ADAM12: variants seen among roughly 807,000 people sequenced by gnomAD.
ADAM12 encodes the protein ADAM metallopeptidase domain 12.
In ADAM12, 70 loss-of-function variants were observed where a neutral mutation model predicts 106.4. The ratio of observed to expected loss-of-function variants is 0.66; its 90% CI spans 0.54 to 0.80. The LOEUF is 0.80. Among genes scored for constraint, ADAM12 ranks in the 30% least tolerant of loss-of-function variants. The pLI is 0.00. For missense variants in ADAM12, 1,010 were observed against 1,171.9 expected, an observed-to-expected ratio of 0.86 and a Z score of 2.02; for synonymous variants, 420 against 433.5, an observed-to-expected ratio of 0.97 and a Z score of 0.39.
chr10:126,193,976 A>G (rs1038883830), intron 3 of ADAM12, among the ~76,000 whole-genome samples: 6 of 150,870 alleles, frequency 4.0e-5, no homozygotes, highest in South Asian at 4.2e-4. Flanking sequence ...ATGAGAAACC[A>G]AAGTTGAGGG....
chr10:126,239,495 C>T (rs1004503944), intron 3 of ADAM12, among the ~76,000 whole-genome samples: 10 of 152,186 alleles, frequency 6.6e-5, no homozygotes, highest in Non-Finnish European at 1.5e-4. Flanking sequence ...GACCAATGTA[C>T]AGCTCAAAGC....
chr10:126,275,929 A>C (rs1959229510), intron 3 of ADAM12, among the ~76,000 whole-genome samples: 1 of 152,230 alleles, frequency 6.6e-6, no homozygotes, highest in African/African-American at 2.4e-5. Flanking sequence ...TGTCATGTGT[A>C]TAATTTTAAA....
At chr10:126,247,598 G>A (rs975326812) in intron 3 of ADAM12, among the ~76,000 whole-genome samples, 2 of 152,230 alleles carry the variant, frequency 1.3e-5, no homozygotes, top group Admixed American at 1.3e-4. Flanking sequence ...ATAAGGACCC[G>A]ATGGCATTCC....
At chr10:126,247,237 C>T (rs191939068) in intron 3 of ADAM12, among the ~76,000 whole-genome samples, 2 of 152,200 alleles carry the variant, frequency 1.3e-5, no homozygotes, top group Non-Finnish European at 2.9e-5. Flanking sequence ...GAAGGAGAAT[C>T]AAATGCGTCC....
intron 3 of ADAM12, among the ~76,000 whole-genome samples, chr10:126,251,504 G>A (rs1958748751): frequency 6.6e-6 from 1 of 151,872 alleles, no homozygotes; most frequent in South Asian, 2.1e-4. Flanking sequence ...TGCGATGGAT[G>A]GGATGAATGG....
intron 3 of ADAM12, among the ~76,000 whole-genome samples, chr10:126,225,702 C>T (rs1393256870): frequency 6.6e-6 from 1 of 152,202 alleles, no homozygotes; most frequent in East Asian, 1.9e-4. Flanking sequence ...GGAACTTCAG[C>T]ACAAACCATG....
chr10:126,071,258 T>C (rs1374879724), intron 12 of ADAM12, among the ~76,000 whole-genome samples: 5 of 152,302 alleles, frequency 3.3e-5, no homozygotes, highest in Admixed American at 6.5e-5. Flanking sequence ...GATAAGATTA[T>C]TTATCTTTTT....
chr10:126,185,912 A>G lies in ADAM12; in HGVS notation c.261-30607T>C, dbSNP rs147872791. Among the ~76,000 whole-genome samples the G allele has an allele frequency of 6.5e-3, 987 of 152,338 alleles. 2 individuals are homozygous for G. The highest frequency in any genetic ancestry group is 0.014 in the Middle Eastern group (4 of 294). On this transcript the variant is annotated intron_variant, in intron 3 of 22. Coordinates refer to ENST00000448723, the MANE Select transcript of ADAM12 (RefSeq NM_001288973.2). ...TATCTGAAGATTAGCCAGGGAAATG[A>G]ACTAGATGACCAAAAACGTCACTTG...
At chr10:126,291,138 C>T (rs1960130829) in intron 2 of ADAM12, among the ~76,000 whole-genome samples, 1 of 152,160 alleles carries the variant, frequency 6.6e-6, no homozygotes, top group Admixed American at 6.6e-5. Flanking sequence ...AATTTGATGT[C>T]TGGAAACATT....
At chr10:126,225,774 T>C (rs532389593) in intron 3 of ADAM12, among the ~76,000 whole-genome samples, 1 of 152,254 alleles carries the variant, frequency 6.6e-6, no homozygotes, top group East Asian at 1.9e-4. Flanking sequence ...CACAGAACTG[T>C]GGCTGGGAAC....
At chr10:126,163,991 T>A (rs550148256) in intron 3 of ADAM12, among the ~76,000 whole-genome samples, 7 of 152,274 alleles carry the variant, frequency 4.6e-5, no homozygotes, top group Middle Eastern at 3.4e-3. Flanking sequence ...ACAGGGGGTA[T>A]GGGGTGGGGA....
At chr10:126,178,385 C>T (rs1315408350) in intron 3 of ADAM12, among the ~76,000 whole-genome samples, 1 of 147,052 alleles carries the variant, frequency 6.8e-6, no homozygotes, top group African/African-American at 2.5e-5. Flanking sequence ...TTTTGGCTTA[C>T]CTTAGTCCTC....
Position 126,159,328 on chromosome 10 carries a change from A to G in ADAM12, c.261-4023T>C, listed in dbSNP as rs935851234. Among the ~76,000 whole-genome samples, 8 of 145,864 alleles carry G rather than the reference A, an allele frequency of 5.5e-5. 1 individual carries two copies. Among genetic ancestry groups the G allele is most frequent in the African/African-American group, 2.0e-4 (8 of 40,172 alleles). ...CCATCAAAAAAAAAAAAAAAAAAAA[A>G]AAAGGAGCACACTTGACCAGCTTAA... is the stretch of plus-strand genomic sequence containing the variant. On this transcript the variant is annotated intron_variant, in intron 3 of 22. Transcript: ENST00000448723.
At chr10:126,173,036 C>T (rs1032995106) in intron 3 of ADAM12, among the ~76,000 whole-genome samples, 3 of 152,184 alleles carry the variant, frequency 2.0e-5, no homozygotes, top group Admixed American at 6.5e-5. Flanking sequence ...TGTTCTCACT[C>T]ATAAGTGGGA....
intron 3 of ADAM12, among the ~76,000 whole-genome samples, chr10:126,245,974 A>G (rs1958621309): frequency 6.6e-6 from 1 of 152,196 alleles, no homozygotes; most frequent in Non-Finnish European, 1.5e-5. Flanking sequence ...ATGAACAGAT[A>G]GCTAGAAAGA....
At chr10:126,168,461 T>C (rs551952403) in intron 3 of ADAM12, among the ~76,000 whole-genome samples, 4 of 152,276 alleles carry the variant, frequency 2.6e-5, no homozygotes, top group Admixed American at 2.0e-4. Context: ...ATATATGCTA[T>C]AGATGATAAA....
chr10:126,078,633 CTATT>C (rs1955149643), intron 11 of ADAM12, among the ~76,000 whole-genome samples: 1 of 152,108 alleles, frequency 6.6e-6, no homozygotes, highest in South Asian at 2.1e-4. Flanking sequence ...TTTGGCATAA[CTATT>C]TATGGAGTAC....
In ADAM12 at chr10:126,253,355, G is replaced by A. The variant is rs147873563; in HGVS notation, c.260+25560C>T. Among the ~76,000 whole-genome samples, 59 of 152,234 alleles carry A rather than the reference G, an allele frequency of 3.9e-4. 1 individual carries two copies. Among genetic ancestry groups the A allele is most frequent in the Admixed American group, 2.6e-4 (4 of 15,294 alleles). On this transcript the variant is annotated intron_variant, in intron 3 of 22. Transcript: ENST00000448723. ...TTCATCAAAGGTTTTTCATCTGCTC[G>A]CCAATGTGGCATGTGTCCTAATGAC...
chr10:126,204,765 G>A (rs957720631), intron 3 of ADAM12, among the ~76,000 whole-genome samples: 4 of 152,108 alleles, frequency 2.6e-5, no homozygotes, highest in Admixed American at 2.0e-4. Context: ...CCCTATTTAC[G>A]GGCTTATCTT....
Sources: gnomAD v4.1 joint callset for allele counts (sites outside exome capture counted in the v4.1 genomes callset) on GRCh38, gnomAD v4.1.1 for gene constraint, MANE v1.5 for transcripts, NCBI Gene and HGNC (gene_info 2026-07-23, HGNC 2026-07-21) for gene names.